Variants in CADPS2 observed in about 807,000 individuals in gnomAD.
The protein encoded by CADPS2 is calcium-dependent secretion activator 2.
A neutral mutation model predicts 172.5 loss-of-function variants in CADPS2; 93 were observed. The observed-to-expected ratio is 0.54, with a 90% CI of 0.46 to 0.64. The LOEUF is 0.64. Ranked by LOEUF, CADPS2 falls within the 30% of genes least tolerant of loss-of-function variation. The pLI is 0.00. For missense variants in CADPS2, 1,420 were observed against 1,565.9 expected, an observed-to-expected ratio of 0.91 and a Z score of 1.57; for synonymous variants, 546 against 555.2, an observed-to-expected ratio of 0.98 and a Z score of 0.23.
chr7:122,522,311 C>T (rs565595769), intron 8 of CADPS2, among the ~76,000 whole-genome samples: 7 of 151,934 alleles, frequency 4.6e-5, no homozygotes, highest in Non-Finnish European at 1.0e-4. Context: ...GACGGGGTTT[C>T]ACCATGTTGC....
intron 27 of CADPS2, among the ~76,000 whole-genome samples, chr7:122,359,310 C>T (rs117085212): frequency 2.6e-5 from 4 of 152,148 alleles, no homozygotes; most frequent in Non-Finnish European, 5.9e-5. Flanking sequence ...TAATACTTAA[C>T]AGTAGGCTGC....
intron 9 of CADPS2, among the ~76,000 whole-genome samples, chr7:122,506,994 C>T (rs1187633601): frequency 6.6e-6 from 1 of 151,966 alleles, no homozygotes; most frequent in Admixed American, 6.6e-5. Flanking sequence ...TTTAAAATTC[C>T]ACAGATAAAG....
intron 6 of CADPS2, among the ~76,000 whole-genome samples, chr7:122,591,435 T>G (rs55913030): frequency 1.3e-5 from 2 of 151,756 alleles, no homozygotes; most frequent in Non-Finnish European, 2.9e-5. Context: ...AGATTCAATG[T>G]CATCCCCATC....
At chr7:122,821,146 CTG>C (rs1264242714) in intron 1 of CADPS2, among the ~76,000 whole-genome samples, 1 of 151,562 alleles carries the variant, frequency 6.6e-6, no homozygotes, top group East Asian at 2.0e-4. Flanking sequence ...ACCCCCATGA[CTG>C]TATCTCTCTG....
chr7:122,669,378 A>T (rs890894521), intron 2 of CADPS2, among the ~76,000 whole-genome samples: 2 of 150,250 alleles, frequency 1.3e-5, no homozygotes, highest in Non-Finnish European at 3.0e-5. Flanking sequence ...GAGAAAAAGT[A>T]ATTACTACCC....
intron 3 of CADPS2, among the ~76,000 whole-genome samples, chr7:122,659,279 C>A: frequency 8.1e-6 from 1 of 122,842 alleles, no homozygotes. Flanking sequence ...GAGACGGAAA[C>A]TACCAAAAAA....
At chr7:122,713,094 T>C (rs2089018274) in intron 2 of CADPS2, among the ~76,000 whole-genome samples, 1 of 152,110 alleles carries the variant, frequency 6.6e-6, no homozygotes, top group Non-Finnish European at 1.5e-5. Context: ...GGATATTTCA[T>C]ACAATGAAAA....
chr7:122,657,843 T>C (rs991024367), intron 3 of CADPS2, among the ~76,000 whole-genome samples: 2 of 152,114 alleles, frequency 1.3e-5, no homozygotes, highest in Admixed American at 6.6e-5. Context: ...CTTCCAACAC[T>C]ATGTTGAATA....
chr7:122,604,101 C>T (rs981239341), intron 6 of CADPS2, among the ~76,000 whole-genome samples: 1 of 152,018 alleles, frequency 6.6e-6, no homozygotes, highest in African/African-American at 2.4e-5. Context: ...TTTTACAACA[C>T]AAAAATTCTA....
At chr7:122,644,328 T>A (rs1317539093) in intron 3 of CADPS2, among the ~76,000 whole-genome samples, 3 of 152,200 alleles carry the variant, frequency 2.0e-5, no homozygotes, top group African/African-American at 7.2e-5. Context: ...GTATTTCTCT[T>A]GCCTGGGATC....
Position 122,320,308 on chromosome 7 carries a change from C to T in CADPS2, c.3748G>A (p.Val1250Met). ...TTACTGTTCAGTGTTCCTTCCAACA[C>T]ACCCTGCAATCGAAAGTCCCTGTAG... ...KTYRDFRLQGVLEGTLNSKTY... is the reference protein window; with the variant it reads ...KTYRDFRLQGMLEGTLNSKTY... The change falls in exon 30 of 30, where the codon GTG (valine) becomes ATG (methionine). Residue 1250 changes from valine to methionine, a missense_variant. Transcript: ENST00000449022. 1 of 1,604,626 alleles carries T rather than the reference C, an allele frequency of 6.2e-7. No individual in the cohort carries two copies. The highest frequency in any genetic ancestry group is 1.1e-5 in the South Asian group (1 of 89,142).
intron 2 of CADPS2, among the ~76,000 whole-genome samples, chr7:122,719,899 G>C (rs750174825): frequency 6.6e-5 from 10 of 151,982 alleles, no homozygotes; most frequent in Admixed American, 3.9e-4. Context: ...CTACCTCTCT[G>C]CAGTCATTTG....
intron 28 of CADPS2, chr7:122,331,870 A>G (rs895051790): frequency 6.6e-5 from 10 of 152,214 alleles, no homozygotes; most frequent in African/African-American, 2.4e-4. Flanking sequence ...GTCTGTGCTC[A>G]TAACTCCTGT....
At chr7:122,429,656 T>C (rs1245485130) in intron 17 of CADPS2, among the ~76,000 whole-genome samples, 2 of 152,136 alleles carry the variant, frequency 1.3e-5, no homozygotes, top group South Asian at 2.1e-4. Flanking sequence ...CAGTTTAAGA[T>C]ACAAATTACT....
intron 27 of CADPS2, among the ~76,000 whole-genome samples, chr7:122,350,504 A>T (rs2038383775): frequency 6.6e-6 from 1 of 152,184 alleles, no homozygotes; most frequent in Non-Finnish European, 1.5e-5. Flanking sequence ...TTCTCACATA[A>T]AAAAGGTTTT....
intron 2 of CADPS2, among the ~76,000 whole-genome samples, chr7:122,704,175 C>G (rs2086617343): frequency 6.6e-6 from 1 of 152,012 alleles, no homozygotes; most frequent in Non-Finnish European, 1.5e-5. Context: ...CTCATTTGGA[C>G]AAAAGCATTT....
chr7:122,710,164 T>C (rs2088471113), intron 2 of CADPS2, among the ~76,000 whole-genome samples: 1 of 151,866 alleles, frequency 6.6e-6, no homozygotes, highest in African/African-American at 2.4e-5. Context: ...AGTCCTATGA[T>C]GGTTAACTCT....
At chr7:122,589,953 C>T (rs534096126) in intron 6 of CADPS2, among the ~76,000 whole-genome samples, 2 of 151,944 alleles carry the variant, frequency 1.3e-5, no homozygotes, top group East Asian at 3.9e-4. Flanking sequence ...GTATAGAGCA[C>T]TGAATTTTGA....
chr7:122,631,952 T>C (rs1256501934), intron 3 of CADPS2, among the ~76,000 whole-genome samples: 1 of 152,178 alleles, frequency 6.6e-6, no homozygotes, highest in Non-Finnish European at 1.5e-5. Flanking sequence ...TTTGGTTTTA[T>C]GTTAAGGTGC....
Sources: allele counts gnomAD v4.1 joint callset (sites outside exome capture counted in the v4.1 genomes callset), GRCh38; gene constraint gnomAD v4.1.1; transcripts MANE v1.5; gene names NCBI Gene and HGNC (gene_info 2026-07-23, HGNC 2026-07-21).